Variants in TAFA5 observed in about 807,000 individuals in gnomAD.
The protein encoded by TAFA5 is chemokine-like protein TAFA-5.
A neutral mutation model predicts 15.3 loss-of-function variants in TAFA5; 6 were observed. The observed-to-expected ratio is 0.39, with a 90% CI of 0.21 to 0.77. The LOEUF (loss-of-function observed/expected upper bound fraction) is 0.77. TAFA5 is among the 30% of genes least tolerant of loss of function. The probability of loss-of-function intolerance (pLI) is 0.41; values close to 1 mark genes in which losing one functional copy is unlikely to be tolerated. For missense variants in TAFA5, 161 were observed against 193.1 expected, an observed-to-expected ratio of 0.83 and a Z score of 0.98; for synonymous variants, 103 against 80.7, an observed-to-expected ratio of 1.28 and a Z score of -1.48.
chr22:48,620,598 C>A (rs28575332), intron 1 of TAFA5, among the ~76,000 whole-genome samples: 1 of 89,204 alleles, frequency 1.1e-5, no homozygotes, highest in East Asian at 3.2e-4. Context: ...CACCCACCCC[C>A]CTACCCATCC....
At chr22:48,608,143 C>T (rs550657941) in intron 1 of TAFA5, among the ~76,000 whole-genome samples, 1 of 151,934 alleles carries the variant, frequency 6.6e-6, no homozygotes, top group Non-Finnish European at 1.5e-5. Context: ...CCCTGCTTCT[C>T]GGGGGTCTTG....
At chr22:48,581,380 G>A (rs190729803) in intron 1 of TAFA5, among the ~76,000 whole-genome samples, 2 of 152,342 alleles carry the variant, frequency 1.3e-5, no homozygotes, top group Admixed American at 6.5e-5. Context: ...GGATTGGATT[G>A]CGGCTGATCT....
rs539859844 is a variant in TAFA5, at chr22:48,697,954, G to T, written c.263-9763G>T. 3.4e-3 allele frequency among the ~76,000 whole-genome samples: 511 copies of T among 151,004 alleles called. 3 individuals carry two copies. Among genetic ancestry groups the T allele is most frequent in the African/African-American group, 0.011 (447 of 41,072 alleles). On this transcript the variant is annotated intron_variant, in intron 2 of 3. Transcript: ENST00000402357. ...GGTGATGATGTGTGATGGTGAGGAT[G>T]ATGATGGTGATGATGGTCCTGTTGA...
At position 48,598,763 on chromosome 22, in the gene TAFA5, G is replaced by A. The variant is rs1328654065; in HGVS notation, c.113-47834G>A. On this transcript the variant is annotated intron_variant, in intron 1 of 3. Transcript: ENST00000402357. This position sits in a 1 kb window ranked among gnomAD's most constrained non-coding sequence, Gnocchi z 4.0. ...GTTAGCTGAGACCCCACCGAGGAAGGGCTCGGTCCCACAAGACTGCTCCCC... is the reference window on the plus strand; with the variant it reads ...GTTAGCTGAGACCCCACCGAGGAAGAGCTCGGTCCCACAAGACTGCTCCCC... Among the ~76,000 whole-genome samples, 1 of 152,154 alleles carries A rather than the reference G, an allele frequency of 6.6e-6. No homozygotes were observed. Among genetic ancestry groups the A allele is most frequent in the East Asian group, 1.9e-4 (1 of 5,178 alleles).
At chr22:48,636,986 G>T (rs958333615) in intron 1 of TAFA5, among the ~76,000 whole-genome samples, 10 of 152,208 alleles carry the variant, frequency 6.6e-5, no homozygotes, top group Admixed American at 1.3e-4. Flanking sequence ...GGCAGTAGGG[G>T]CCCAAGTGAG....
chr22:48,576,641 C>T (rs1416426103), intron 1 of TAFA5: 6 of 1,283,398 alleles, frequency 4.7e-6, no homozygotes, highest in East Asian at 3.3e-5. Flanking sequence ...CGGCGCCCGA[C>T]CCGGCTTCCA....
chr22:48,558,044 C>T (rs926833938), intron 1 of TAFA5, among the ~76,000 whole-genome samples: 1 of 152,174 alleles, frequency 6.6e-6, no homozygotes, highest in African/African-American at 2.4e-5. Flanking sequence ...TTTCCCTCCC[C>T]TGTCTCCTTT....
intron 2 of TAFA5, among the ~76,000 whole-genome samples, chr22:48,696,353 A>C (rs1601679383): frequency 6.8e-6 from 1 of 147,538 alleles, no homozygotes. Flanking sequence ...CTCTTTTCTC[A>C]CTCCTTCCTT....
Position 48,544,742 on chromosome 22 carries a change from G to T in TAFA5, c.112+55038G>T, listed in dbSNP as rs1006030914. Reference sequence around the variant, plus strand: ...TTGGTCTCAGTCCCCACTCCGGGCTGCGGGGAGGCTGACTTGGAGAAATTG... The same window carrying T: ...TTGGTCTCAGTCCCCACTCCGGGCTTCGGGGAGGCTGACTTGGAGAAATTG... On this transcript the variant is annotated intron_variant, in intron 1 of 3. Coordinates refer to ENST00000402357, the MANE Select transcript of TAFA5 (RefSeq NM_001082967.3). 8.7e-5 allele frequency: 41 copies of T among 471,154 alleles called. No homozygotes were observed. The Admixed American group carries it at 9.6e-4, about 11-fold the overall frequency. 29.2% of individuals were successfully genotyped at this position (471,154 alleles called of 1,614,324 possible).
intron 3 of TAFA5, among the ~76,000 whole-genome samples, chr22:48,723,142 G>C (rs1929619636): frequency 6.6e-6 from 1 of 152,146 alleles, no homozygotes; most frequent in South Asian, 2.1e-4. Context: ...GGTGTGTCCA[G>C]ATGTGCCTCA....
chr22:48,653,080 A>C (rs567516391), intron 2 of TAFA5, among the ~76,000 whole-genome samples: 2 of 152,256 alleles, frequency 1.3e-5, no homozygotes, highest in Admixed American at 1.3e-4. Context: ...GGACACATAC[A>C]TCTCCGCGCA....
At chr22:48,535,406 G>A (rs1017915366) in intron 1 of TAFA5, among the ~76,000 whole-genome samples, 5 of 152,230 alleles carry the variant, frequency 3.3e-5, no homozygotes, top group Admixed American at 6.5e-5. Context: ...AGTATTACAC[G>A]GGTGTGTATA....
intron 2 of TAFA5, among the ~76,000 whole-genome samples, chr22:48,653,580 G>GT (rs1927132795): frequency 6.6e-6 from 1 of 152,178 alleles, no homozygotes; most frequent in African/African-American, 2.4e-5. Context: ...CTTCATCAGA[G>GT]CCCAGTTTTA....
intron 1 of TAFA5, among the ~76,000 whole-genome samples, chr22:48,584,004 AACACACC>A (rs376005906): frequency 0.16 from 22,480 of 143,908 alleles, 1,774 homozygotes; most frequent in Admixed American, 0.19. Flanking sequence ...CCACACATAT[AACACACC>A]ACACACCACA....
chr22:48,534,658 C>T (rs1023748052), intron 1 of TAFA5, among the ~76,000 whole-genome samples: 7 of 152,176 alleles, frequency 4.6e-5, no homozygotes, highest in Admixed American at 2.0e-4. Context: ...TTGCTGGGGC[C>T]GCCCTGCGGG....
chr22:48,516,564 CCACGG>C (rs1347991121), intron 1 of TAFA5, among the ~76,000 whole-genome samples: 11 of 152,340 alleles, frequency 7.2e-5, no homozygotes, highest in African/African-American at 2.6e-4. Flanking sequence ...AAGGCCATAC[CCACGG>C]CAAGGTGAGT....
intron 3 of TAFA5, among the ~76,000 whole-genome samples, chr22:48,715,523 G>A (rs1160138156): frequency 6.6e-6 from 1 of 152,202 alleles, no homozygotes; most frequent in Non-Finnish European, 1.5e-5. Context: ...CCTCCTCTTG[G>A]GTGCTCTGCT....
At chr22:48,623,187 G>T (rs144219623) in intron 1 of TAFA5, among the ~76,000 whole-genome samples, 1 of 152,220 alleles carries the variant, frequency 6.6e-6, no homozygotes, top group Non-Finnish European at 1.5e-5. Flanking sequence ...GCATGGTTTC[G>T]CCAGCAGCCG....
chr22:48,735,040 G>C (rs1328630547), intron 3 of TAFA5, among the ~76,000 whole-genome samples: 1 of 152,226 alleles, frequency 6.6e-6, no homozygotes, highest in South Asian at 2.1e-4. Context: ...GACAGCAAAC[G>C]CCTGACCCTG....
Sources: allele counts gnomAD v4.1 joint callset (sites outside exome capture counted in the v4.1 genomes callset), GRCh38; gene constraint gnomAD v4.1.1; non-coding constraint Gnocchi (gnomAD v3.1); transcripts MANE v1.5; gene names NCBI Gene and HGNC (gene_info 2026-07-23, HGNC 2026-07-21).